MPP7: variants seen among roughly 807,000 people sequenced by gnomAD.
The protein encoded by MPP7 is MAGUK p55 scaffold protein 7.
In MPP7, 60 loss-of-function variants were observed where a neutral mutation model predicts 76.5. The observed-to-expected ratio is 0.78, with a 90% CI of 0.64 to 0.97. The LOEUF (loss-of-function observed/expected upper bound fraction) is 0.97. Among genes scored for constraint, MPP7 ranks in the 50% least tolerant of loss-of-function variants. MPP7 has a pLI of 0.00. For missense variants in MPP7, 641 were observed against 694.0 expected (o/e 0.92, Z 0.86); for synonymous variants, 237 against 244.5 (o/e 0.97, Z 0.29).
At chr10:28,285,364 T>C (rs190656598) in intron 1 of MPP7, among the ~76,000 whole-genome samples, 1 of 152,272 alleles carries the variant, frequency 6.6e-6, no homozygotes, top group Non-Finnish European at 1.5e-5. Flanking sequence ...TTTGTATTTT[T>C]AGTAGAGACG....
chr10:28,193,154 T>G (rs1837463954), intron 3 of MPP7, among the ~76,000 whole-genome samples: 1 of 151,966 alleles, frequency 6.6e-6, no homozygotes, highest in South Asian at 2.1e-4. Context: ...CACAAGAATA[T>G]CTAAGTGACC....
At chr10:28,285,062 T>C (rs1379974001) in intron 1 of MPP7, among the ~76,000 whole-genome samples, 1 of 152,234 alleles carries the variant, frequency 6.6e-6, no homozygotes. Flanking sequence ...AAAAATGCTG[T>C]AGAGACCAAT....
chr10:28,118,304 CTT>C (rs1448134659), intron 11 of MPP7: 2 of 980,196 alleles, frequency 2.0e-6, no homozygotes, highest in Non-Finnish European at 2.4e-6. Flanking sequence ...TACATATACA[CTT>C]ATCAAAAATT....
At chr10:28,135,381 G>T (rs775093311) in intron 5 of MPP7, among the ~76,000 whole-genome samples, 73 of 152,158 alleles carry the variant, frequency 4.8e-4, no homozygotes, top group Non-Finnish European at 8.2e-4. Flanking sequence ...TTAGAGCAGT[G>T]GCTCTTAACT....
chr10:28,290,716 A>AC (rs1840897097), intron 1 of MPP7, among the ~76,000 whole-genome samples: 1 of 152,012 alleles, frequency 6.6e-6, no homozygotes, highest in Non-Finnish European at 1.5e-5. Flanking sequence ...CAGGTGATCC[A>AC]CCCACCTCAG....
intron 3 of MPP7, among the ~76,000 whole-genome samples, chr10:28,159,191 G>A (rs1274654118): frequency 2.0e-5 from 3 of 152,116 alleles, no homozygotes; most frequent in African/African-American, 7.2e-5. Flanking sequence ...TGCAGTGATT[G>A]GAGAAAATTA....
At chr10:28,253,300 C>T (rs1211515252) in intron 1 of MPP7, among the ~76,000 whole-genome samples, 3 of 152,084 alleles carry the variant, frequency 2.0e-5, no homozygotes, top group Non-Finnish European at 4.4e-5. Flanking sequence ...AGTAGAGTTG[C>T]CGGCCAAATA....
chr10:28,069,299 T>C (rs1852115224), intron 13 of MPP7, among the ~76,000 whole-genome samples: 1 of 152,186 alleles, frequency 6.6e-6, no homozygotes, highest in Admixed American at 6.5e-5. Flanking sequence ...ATTTCAGCAT[T>C]TCATGCCTGT....
chr10:28,151,863 G>A (rs1300065436), intron 3 of MPP7, among the ~76,000 whole-genome samples: 2 of 152,134 alleles, frequency 1.3e-5, no homozygotes, highest in East Asian at 1.9e-4. Context: ...TCTTCACTGC[G>A]ATCCTTGGCT....
At chr10:28,104,898 A>G (rs1255682220) in intron 11 of MPP7, among the ~76,000 whole-genome samples, 1 of 152,182 alleles carries the variant, frequency 6.6e-6, no homozygotes, top group Non-Finnish European at 1.5e-5. Flanking sequence ...CCAGGAGGAC[A>G]TAAAGAAATG....
intron 1 of MPP7, among the ~76,000 whole-genome samples, chr10:28,251,586 T>C (rs1462695738): frequency 6.6e-6 from 1 of 152,156 alleles, no homozygotes; most frequent in Non-Finnish European, 1.5e-5. Context: ...AATGAGCCAA[T>C]CAATCTACTG....
chr10:28,084,077 T>A (rs150540953), intron 12 of MPP7, among the ~76,000 whole-genome samples: 235 of 152,260 alleles, frequency 1.5e-3, no homozygotes, highest in African/African-American at 5.4e-3. Context: ...AATTTCAGAC[T>A]AAAGGCTAAT....
At chr10:28,208,209 C>G (rs10508736) in intron 2 of MPP7, among the ~76,000 whole-genome samples, 26,638 of 152,052 alleles carry the variant, frequency 0.18, 2,960 homozygotes, top group East Asian at 0.56. Flanking sequence ...GCCAAAGATT[C>G]TCCATTATCA....
chr10:28,328,972 T>C (rs553257266), intron 2 of MPP7, among the ~76,000 whole-genome samples: 1 of 152,364 alleles, frequency 6.6e-6, no homozygotes, highest in African/African-American at 2.4e-5. Flanking sequence ...CATTTTATTT[T>C]TATTGTGCTA....
intron 5 of MPP7, 112 bp from the exon 6 acceptor site, chr10:28,131,803 T>C: frequency 8.8e-6 from 4 of 456,618 alleles, no homozygotes; most frequent in Non-Finnish European, 1.2e-5. Context: ...AAAACAGTGT[T>C]ACGGTTTTGA....
intron 1 of MPP7, among the ~76,000 whole-genome samples, chr10:28,332,970 C>T (rs1421648779): frequency 1.3e-5 from 2 of 151,730 alleles, no homozygotes; most frequent in Non-Finnish European, 2.9e-5. Context: ...GCCCTATTTG[C>T]TTTGTACAGA....
intron 12 of MPP7, 30 bp from the exon 13 acceptor site, chr10:28,069,882 T>C (rs1233164354): frequency 6.4e-7 from 1 of 1,553,702 alleles, no homozygotes; most frequent in South Asian, 1.1e-5. Context: ...AAATTCATTA[T>C]TGGACAAAAC....
rs117998820 is a variant in MPP7, at chr10:28,260,927, C to A, written c.-131-22192G>T. Reference sequence around the variant, plus strand: ...CCCAATTGATGTTAGAGAAAGAATTCAAATGGTTTTTCCAAGTATGTAAGG... The same window carrying A: ...CCCAATTGATGTTAGAGAAAGAATTAAAATGGTTTTTCCAAGTATGTAAGG... On this transcript the variant is annotated intron_variant, in intron 1 of 16. Transcript: ENST00000683449. 2.0e-3 allele frequency among the ~76,000 whole-genome samples: 310 copies of A among 152,082 alleles called. 5 individuals are homozygous for A. In the East Asian group the frequency reaches 0.037, roughly 18 times the overall value.
chr10:28,194,443 TA>T (rs532456150), intron 3 of MPP7, among the ~76,000 whole-genome samples: 38 of 152,344 alleles, frequency 2.5e-4, no homozygotes, highest in African/African-American at 8.4e-4. Flanking sequence ...AGTTTACCTG[TA>T]ACTGCTCAAA....
Sources: allele counts gnomAD v4.1 joint callset (sites outside exome capture counted in the v4.1 genomes callset), GRCh38; gene constraint gnomAD v4.1.1; transcripts MANE v1.5; gene names NCBI Gene and HGNC (gene_info 2026-07-23, HGNC 2026-07-21).